The following MAJIN variants were observed in gnomAD, a reference collection of about 807,000 sequenced individuals.
The protein encoded by MAJIN is membrane anchored junction protein.
In MAJIN, 27 loss-of-function variants were observed where a neutral mutation model predicts 30.2. The observed-to-expected ratio is 0.89, with a 90% CI of 0.66 to 1.23. MAJIN has a LOEUF of 1.23. Among genes scored for constraint, MAJIN ranks in the 50% most tolerant of loss-of-function variants. MAJIN has a pLI of 0.00. For synonymous variants in MAJIN, 78 were observed against 91.6 expected, an observed-to-expected ratio of 0.85 and a Z score of 0.85; for missense variants, 253 against 260.3, an observed-to-expected ratio of 0.97 and a Z score of 0.19.
At chr11:64,971,387 C>T (rs990107553) in intron 1 of MAJIN, among the ~76,000 whole-genome samples, 2 of 148,726 alleles carry the variant, frequency 1.3e-5, no homozygotes, top group Admixed American at 6.7e-5. Flanking sequence ...ATATCGCCCC[C>T]ACTGAACTCC....
intron 1 of MAJIN, among the ~76,000 whole-genome samples, chr11:64,963,589 G>A (rs1020819574): frequency 6.6e-6 from 1 of 152,184 alleles, no homozygotes; most frequent in Non-Finnish European, 1.5e-5. Context: ...TGTAATCTCA[G>A]CACTTTGGGA....
chr11:64,950,493 T>A (rs1945535236), intron 4 of MAJIN, 63 bp from the exon 5 acceptor site: 1 of 1,433,078 alleles, frequency 7.0e-7, no homozygotes, highest in South Asian at 1.2e-5. Context: ...TGTTTATATT[T>A]GTCACTGCTA....
At position 64,959,370 on chromosome 11, in the gene MAJIN, C is replaced by G. The variant is rs1306255262; in HGVS notation, c.36G>C (p.Glu12Asp). The change falls in exon 3 of 11, where the codon GAG becomes GAC. Residue 12 changes from glutamate to aspartate, a missense_variant. Coordinates refer to ENST00000301896, the MANE Select transcript of MAJIN (RefSeq NM_001037225.3). ...TGGGTCCTGCATGAAGAAACCTCGT[C>G]TCTGGAAACGGGTAGGTAAAGGGTT... ...SLKPFTYPFP[E>D]TRFLHAGPNV... is the part of the protein sequence containing the mutation. 10 of 1,614,020 alleles carry G rather than the reference C, an allele frequency of 6.2e-6. No individual in the cohort carries two copies. Among genetic ancestry groups the G allele is most frequent in the Non-Finnish European group, 8.5e-6 (10 of 1,179,946 alleles).
intron 3 of MAJIN, among the ~76,000 whole-genome samples, chr11:64,957,734 T>G (rs991223066): frequency 6.6e-6 from 1 of 151,946 alleles, no homozygotes; most frequent in Admixed American, 6.6e-5. Flanking sequence ...AGATGCTGGG[T>G]TTGATCAAAT....
In MAJIN at chr11:64,949,654, C is replaced by G. The variant is rs988490659; in HGVS notation, c.349+89G>C. On this transcript the variant is annotated intron_variant, in intron 6 of 10. Transcript: ENST00000301896. The stretch of plus-strand genomic sequence containing the variant: ...TGACCTGTGCACTGTATGGCTGGAG[C>G]CTAATCTGGTAGCCCCTTTCGCGAT... 12 of 1,508,792 alleles carry G rather than the reference C, an allele frequency of 8.0e-6. No homozygotes were observed. The Admixed American group carries it at 1.6e-4, about 20-fold the overall frequency. 93.5% of individuals were successfully genotyped at this position (1,508,792 alleles called of 1,614,324 possible).
intron 3 of MAJIN, among the ~76,000 whole-genome samples, chr11:64,955,200 T>C (rs917691262): frequency 2.0e-5 from 3 of 152,126 alleles, no homozygotes; most frequent in Non-Finnish European, 2.9e-5. Context: ...GTGGGCAAAA[T>C]TGCCAATGCC....
chr11:64,969,450 T>A (rs1214048573), intron 1 of MAJIN, among the ~76,000 whole-genome samples: 2 of 140,948 alleles, frequency 1.4e-5, no homozygotes, highest in African/African-American at 2.7e-5. Flanking sequence ...CACTGAAGGG[T>A]ATAATAAAAA....
intron 1 of MAJIN, among the ~76,000 whole-genome samples, chr11:64,960,384 C>G (rs773302514): frequency 2.0e-5 from 3 of 152,140 alleles, no homozygotes; most frequent in African/African-American, 4.8e-5. Context: ...TAACAACTCT[C>G]AATAACAACT....
intron 1 of MAJIN, among the ~76,000 whole-genome samples, chr11:64,963,299 C>T (rs1945756109): frequency 6.6e-6 from 1 of 152,150 alleles, no homozygotes; most frequent in Non-Finnish European, 1.5e-5. Context: ...GTAAATGACA[C>T]ATAGGGACTG....
intron 8 of MAJIN, among the ~76,000 whole-genome samples, chr11:64,945,234 T>C (rs1328997856): frequency 1.3e-5 from 2 of 152,020 alleles, no homozygotes; most frequent in African/African-American, 4.8e-5. Context: ...AGCACACGCC[T>C]GTAGTCCCAG....
chr11:64,950,389 C>T lies in MAJIN; in HGVS notation c.189G>A (p.Gln63=), dbSNP rs759223652. ...CAATGAAGTGTTCTGTAGCAAAGGG[C>T]TGAAGATTGTCCAAGTTTCCCAAGA... ...RVVLGNLDNL[Q]PFATEHFIVF... is the part of the protein sequence containing the mutation. The change falls in exon 5 of 11, where the codon CAG becomes CAA. Residue 63 remains glutamine (Q), a synonymous_variant. Coordinates refer to ENST00000301896, the MANE Select transcript of MAJIN (RefSeq NM_001037225.3). The T allele has an allele frequency of 1.2e-6, 2 of 1,605,624 alleles. No individual in the cohort carries two copies. Among genetic ancestry groups the T allele is most frequent in the Non-Finnish European group, 1.7e-6 (2 of 1,174,806 alleles).
rs58387921 is a variant in MAJIN, at chr11:64,966,145, G to GAAAAAAAAAAAAAAAAAAAAAAAAA, written c.-65+5731_-65+5732insTTTTTTTTTTTTTTTTTTTTTTTTT. ...ACATGTAAGGAAGAAGATTAAAAAT[G>GAAAAAAAAAAAAAAAAAAAAAAAAA]AAAAAAAAAAAAAAAAAAAAGCAGC... On this transcript the variant is annotated intron_variant, in intron 1 of 10. Coordinates refer to ENST00000301896, the MANE Select transcript of MAJIN (RefSeq NM_001037225.3). Among the ~76,000 whole-genome samples, 53 of 57,106 alleles carry GAAAAAAAAAAAAAAAAAAAAAAAAA rather than the reference G, an allele frequency of 9.3e-4. 8 individuals carry two copies. The highest frequency in any genetic ancestry group is 1.2e-3 in the African/African-American group (17 of 14,454). 37.5% of individuals were successfully genotyped at this position (57,106 alleles called of 152,430 possible). A position where few individuals can be genotyped will look rare whatever the true frequency, so the allele number is the denominator to read the frequency against.
chr11:64,971,655 G>A (rs1590713117), intron 1 of MAJIN, among the ~76,000 whole-genome samples: 1 of 151,986 alleles, frequency 6.6e-6, no homozygotes, highest in Non-Finnish European at 1.5e-5. Flanking sequence ...CCCGCGCTCC[G>A]GTCCCGCGGC....
intron 1 of MAJIN, among the ~76,000 whole-genome samples, chr11:64,971,373 G>A (rs1434937340): frequency 6.9e-6 from 1 of 144,638 alleles, no homozygotes; most frequent in Non-Finnish European, 1.5e-5. Context: ...GTTGCAGTGA[G>A]TCAATATCGC....
chr11:64,948,618 T>TC lies in MAJIN; in HGVS notation c.350-800_350-799insG, dbSNP rs1565126941. ...GGGCTACATCATATATATATATATA[T>TC]ATATATATATATATATATATATTTT... On this transcript the variant is annotated intron_variant, in intron 6 of 10. Coordinates refer to ENST00000301896, the MANE Select transcript of MAJIN (RefSeq NM_001037225.3). Among the ~76,000 whole-genome samples the TC allele has an allele frequency of 3.8e-3, 158 of 41,246 alleles. 8 individuals carry two copies. Among genetic ancestry groups the TC allele is most frequent in the African/African-American group, 0.017 (122 of 7,058 alleles). 27.1% of individuals were successfully genotyped at this position (41,246 alleles called of 152,430 possible).
intron 1 of MAJIN, among the ~76,000 whole-genome samples, chr11:64,971,515 T>C (rs1307721459): frequency 1.8e-5 from 2 of 110,540 alleles, no homozygotes; most frequent in Non-Finnish European, 3.8e-5. Context: ...GGGTGTGGAG[T>C]GGGGAAAGGG....
At position 64,940,835 on chromosome 11, in the gene MAJIN, C is replaced by CTTTTTTTTTTT. The variant is rs1168979344; in HGVS notation, c.474-200_474-190dup. On this transcript the variant is annotated intron_variant, in intron 8 of 10. Transcript: ENST00000301896. ...CCTTTTTTCTTTTCTTTTTTTCTTT[C>CTTTTTTTTTTT]TTTTTTTTTTTTTTTTTTTTTGAGA... 2.7e-4 allele frequency among the ~76,000 whole-genome samples: 24 copies of CTTTTTTTTTTT among 88,564 alleles called. 1 individual carries two copies. The highest frequency in any genetic ancestry group is 1.2e-3 in the East Asian group (3 of 2,518). The allele number at this position is 88,564 out of a possible 152,430, so 58.1% of individuals were successfully genotyped here.
intron 10 of MAJIN, 131 bp from the exon 11 acceptor site, chr11:64,938,704 A>G (rs999177248): frequency 1.0e-6 from 1 of 997,588 alleles, no homozygotes; most frequent in Non-Finnish European, 1.5e-6. Flanking sequence ...TCAAGACTGA[A>G]TAGCATTTGA....
At chr11:64,942,960 G>C (rs1945400369) in intron 8 of MAJIN, among the ~76,000 whole-genome samples, 1 of 152,192 alleles carries the variant, frequency 6.6e-6, no homozygotes, top group Non-Finnish European at 1.5e-5. Context: ...GCCTACCGCT[G>C]AACCAGGGAA....
Sources: allele counts gnomAD v4.1 joint callset (sites outside exome capture counted in the v4.1 genomes callset), GRCh38; gene constraint gnomAD v4.1.1; transcripts MANE v1.5; gene names NCBI Gene and HGNC (gene_info 2026-07-23, HGNC 2026-07-21).